Variants in TST observed in about 807,000 individuals in gnomAD.
The protein encoded by TST is epididymis secretory sperm binding protein.
A neutral mutation model predicts 20.4 loss-of-function variants in TST; 22 were observed. The ratio of observed to expected loss-of-function variants is 1.08; its 90% CI spans 0.77 to 1.54. TST has a LOEUF of 1.54. Ranked by LOEUF, TST falls within the 40% of genes most tolerant of loss-of-function variation. The pLI, the probability that TST is intolerant of heterozygous loss-of-function variation, is 0.00. For synonymous variants in TST, 187 were observed against 173.8 expected (o/e 1.08, Z -0.60); for missense variants, 392 against 405.2 (o/e 0.97, Z 0.28).
At chr22:37,019,766 C>T, upstream of TST, 1 of 683,568 alleles carries the variant, frequency 1.5e-6, no homozygotes. Context: ...TCCCTTTGGT[C>T]CGCTGCAGGT....
chr22:37,018,830 G>A (rs1922824217), intron 1 of TST, 77 bp from the exon 2 acceptor site: 2 of 1,064,162 alleles, frequency 1.9e-6, no homozygotes, highest in South Asian at 1.9e-5. Context: ...TGAGGCCTGG[G>A]AGAAGCTCTT....
chr22:37,016,426 T>C (rs1256320054), intron 2 of TST, among the ~76,000 whole-genome samples: 2 of 151,612 alleles, frequency 1.3e-5, no homozygotes. Flanking sequence ...CTGAAGGAGG[T>C]GTGAACACAA....
At chr22:37,019,956 G>A, upstream of TST, 1 of 669,686 alleles carries the variant, frequency 1.5e-6, no homozygotes, top group Non-Finnish European at 2.1e-6. Flanking sequence ...GCTCCCGCGC[G>A]GGACCTGGGC....
chr22:37,014,211 A>G (rs1052339820), intron 2 of TST, among the ~76,000 whole-genome samples: 8 of 152,062 alleles, frequency 5.3e-5, no homozygotes, highest in African/African-American at 1.9e-4. Flanking sequence ...AAACACACAT[A>G]CAAAAAAAAT....
chr22:37,019,464 C>G (rs555973557), upstream of TST: 4 of 150,838 alleles, frequency 2.7e-5, no homozygotes, highest in South Asian at 6.2e-4. Flanking sequence ...TTCAAACCCC[C>G]GGCCGCAGCT....
Position 37,010,977 on chromosome 22 carries a change from A to C in TST, c.*50T>G, listed in dbSNP as rs1038502941. On this transcript the variant is annotated 3_prime_UTR_variant, in exon 3 of 3. Coordinates refer to ENST00000249042, the MANE Select transcript of TST (RefSeq NM_003312.6). ...AAGAGGTAAGAACCGGCTGTAAGTCATGGGGTCACTAAACCGGCCGCAGTT... is the reference window on the plus strand; with the variant it reads ...AAGAGGTAAGAACCGGCTGTAAGTCCTGGGGTCACTAAACCGGCCGCAGTT... The C allele has an allele frequency of 1.9e-6, 3 of 1,569,864 alleles. No homozygotes were observed. Among genetic ancestry groups the C allele is most frequent in the Admixed American group, 3.5e-5 (2 of 57,452 alleles).
intron 2 of TST, among the ~76,000 whole-genome samples, chr22:37,016,732 G>A (rs1204363634): frequency 6.6e-6 from 1 of 152,214 alleles, no homozygotes; most frequent in Non-Finnish European, 1.5e-5. Context: ...GATTCTCTGG[G>A]AGGTGCCAAA....
intron 2 of TST, among the ~76,000 whole-genome samples, 167 bp downstream of exon 2, chr22:37,017,971 C>T (rs1922748206): frequency 6.6e-6 from 1 of 152,086 alleles, no homozygotes; most frequent in Admixed American, 6.5e-5. Flanking sequence ...GCTGAAAAAG[C>T]CTTTAGGTTT....
Position 37,018,670 on chromosome 22 carries a change from C to T in TST, c.63G>A (p.Arg21=), listed in dbSNP as rs748372770. The T allele has an allele frequency of 5.8e-6, 9 of 1,544,858 alleles. No homozygotes were observed. The South Asian group carries it at 1.1e-4, about 19-fold the overall frequency. ...VSTKWLAESI[R]TGKLGPGLRV... ...GCAGGCCGGGCCCCAGCTTGCCAGT[C>T]CTGATGGACTCCGCCAGCCACTTGG... is the stretch of plus-strand genomic sequence containing the variant. Residue 21 remains arginine, a synonymous_variant, in exon 2 of 3, where the codon AGG becomes AGA. Transcript: ENST00000249042.
Position 37,018,551 on chromosome 22 carries a change from A to G in TST, c.182T>C (p.Ile61Thr). Reference protein sequence around the residue: ...RHVPGASFFDIEECRDTASPY... With the variant: ...RHVPGASFFDTEECRDTASPY... ...CGACGCCGTGTCCCGGCACTCTTCT[A>G]TGTCAAAGAAAGAGGCGCCGGGTAC... is the stretch of plus-strand genomic sequence containing the variant. The change falls in exon 2 of 3, where the codon ATA (isoleucine) becomes ACA (threonine). Residue 61 changes from isoleucine to threonine, a missense_variant. Physicochemically the swap from Ile to Thr is moderately conservative, Grantham distance 89. Transcript: ENST00000249042. 6.4e-7 allele frequency: 1 copy of G among 1,573,870 alleles called. No homozygotes were observed. Among genetic ancestry groups the G allele is most frequent in the African/African-American group, 1.4e-5 (1 of 73,960 alleles).
Position 37,018,567 on chromosome 22 carries a change from C to T in TST, c.166G>A (p.Ala56Thr), listed in dbSNP as rs778959201. ...KEYLERHVPGASFFDIEECRD... is the reference protein window; with the variant it reads ...KEYLERHVPGTSFFDIEECRD... The stretch of plus-strand genomic sequence containing the variant: ...CACTCTTCTATGTCAAAGAAAGAGG[C>T]GCCGGGTACGTGGCGCTCGAGGTAC... The change falls in exon 2 of 3, where the codon GCC (alanine) becomes ACC (threonine). Residue 56 changes from alanine to threonine, a missense_variant. By Grantham distance (58) the Ala-to-Thr change is moderately conservative (BLOSUM62 0). Coordinates refer to ENST00000249042, the MANE Select transcript of TST (RefSeq NM_003312.6). 2 of 1,564,324 alleles carry T rather than the reference C, an allele frequency of 1.3e-6. No homozygotes were observed. The highest frequency in any genetic ancestry group is 2.3e-5 in the South Asian group (2 of 86,040).
chr22:37,012,916 C>T (rs539389183), intron 2 of TST, among the ~76,000 whole-genome samples: 2 of 152,294 alleles, frequency 1.3e-5, no homozygotes, highest in South Asian at 4.1e-4. Context: ...GTGGCATGCG[C>T]CTGTAATCCC....
chr22:37,016,639 C>T (rs533926504), intron 2 of TST, among the ~76,000 whole-genome samples: 7 of 152,196 alleles, frequency 4.6e-5, no homozygotes, highest in African/African-American at 1.7e-4. Context: ...TTCCACTGAT[C>T]CTCCCCCATG....
upstream of TST, chr22:37,019,919 T>C: frequency 1.1e-6 from 1 of 884,554 alleles, no homozygotes; most frequent in Non-Finnish European, 1.5e-6. Context: ...GGGGAGGGAG[T>C]GGCTCTTTGG....
chr22:37,011,362 G>C, intron 2 of TST, 37 bp from the exon 3 acceptor site: 1 of 1,584,360 alleles, frequency 6.3e-7, no homozygotes, highest in Non-Finnish European at 8.6e-7. Context: ...GGGGATGTAT[G>C]AGGGGTGGGG....
At chr22:37,011,832 A>C (rs1922490406) in intron 2 of TST, among the ~76,000 whole-genome samples, 1 of 152,232 alleles carries the variant, frequency 6.6e-6, no homozygotes, top group South Asian at 2.1e-4. Flanking sequence ...AGATAACCAC[A>C]TAACTAATCA....
At chr22:37,013,058 G>T (rs1922540024) in intron 2 of TST, among the ~76,000 whole-genome samples, 1 of 150,048 alleles carries the variant, frequency 6.7e-6, no homozygotes, top group African/African-American at 2.5e-5. Flanking sequence ...AAAAAAAAAA[G>T]TAAACCTCAC....
chr22:37,018,529 C>T lies in TST; in HGVS notation c.204G>A (p.Ala68=). The T allele has an allele frequency of 6.3e-7, 1 of 1,584,876 alleles. No individual in the cohort carries two copies. Among genetic ancestry groups the T allele is most frequent in the Non-Finnish European group, 8.6e-7 (1 of 1,164,932 alleles). ...TGGGCAGCATCATCTCGTAGGGCGA[C>T]GCCGTGTCCCGGCACTCTTCTATGT... ...FFDIEECRDT[A]SPYEMMLPSE... is the part of the protein sequence containing the mutation. The change falls in exon 2 of 3, where the codon GCG becomes GCA. Residue 68 remains alanine (A), a synonymous_variant. Transcript: ENST00000249042.
chr22:37,018,502 G>T lies in TST; in HGVS notation c.231C>A (p.Ser77Arg), dbSNP rs781611380. 6.2e-7 allele frequency: 1 copy of T among 1,605,774 alleles called. No individual in the cohort carries two copies. Among genetic ancestry groups the T allele is most frequent in the South Asian group, 1.1e-5 (1 of 90,192 alleles). ...CCACATACTCGGCGAAGCCAGCCTC[G>T]CTGGGCAGCATCATCTCGTAGGGCG... ...TASPYEMMLP[S>R]EAGFAEYVGR... Residue 77 changes from serine to arginine, a missense_variant, in exon 2 of 3, where the codon AGC becomes AGA. Coordinates refer to ENST00000249042, the MANE Select transcript of TST (RefSeq NM_003312.6).
Sources: gnomAD v4.1 joint callset for allele counts (sites outside exome capture counted in the v4.1 genomes callset) on GRCh38, gnomAD v4.1.1 for gene constraint, MANE v1.5 for transcripts, NCBI Gene and HGNC (gene_info 2026-07-23, HGNC 2026-07-21) for gene names.